Variants in ASIC2 observed in about 807,000 individuals in gnomAD.
The protein encoded by ASIC2 is acid sensing ion channel subunit 2, also known as acid-sensing ion channel 2.
ASIC2 carries 25 observed loss-of-function variants against 57.3 expected under a neutral mutation model. That is an observed-to-expected ratio of 0.44 (90% CI 0.32 to 0.61). The LOEUF (loss-of-function observed/expected upper bound fraction) is 0.61, where lower values mean the gene tolerates loss of function less well. Ranked by LOEUF, ASIC2 falls within the 20% of genes least tolerant of loss-of-function variation. The pLI is 0.06. For synonymous variants in ASIC2, 319 were observed against 307.5 expected (o/e 1.04, Z -0.39); for missense variants, 641 against 738.1 (o/e 0.87, Z 1.52).
chr17:33,667,419 T>C (rs1284119423), intron 1 of ASIC2, among the ~76,000 whole-genome samples: 1 of 152,238 alleles, frequency 6.6e-6, no homozygotes, highest in Non-Finnish European at 1.5e-5. Context: ...GTTAACCTTA[T>C]ACATATGTTT....
intron 1 of ASIC2, among the ~76,000 whole-genome samples, chr17:33,641,471 C>T (rs562305656): frequency 4.4e-4 from 67 of 152,178 alleles, no homozygotes; most frequent in Non-Finnish European, 8.2e-4. Flanking sequence ...AGGAATTTGA[C>T]AGTTGAGGAA....
chr17:33,956,003 C>T (rs1904723273), intron 1 of ASIC2, among the ~76,000 whole-genome samples: 1 of 152,000 alleles, frequency 6.6e-6, no homozygotes, highest in Admixed American at 6.6e-5. Context: ...AGCTGAGGGC[C>T]CATCATTAGA....
intron 1 of ASIC2, among the ~76,000 whole-genome samples, chr17:33,197,340 A>G (rs1432552142): frequency 6.6e-6 from 1 of 152,178 alleles, no homozygotes; most frequent in Non-Finnish European, 1.5e-5. Flanking sequence ...TACTGGCAAT[A>G]TTACCCGTAT....
chr17:33,523,133 C>A (rs1347423844), intron 1 of ASIC2, among the ~76,000 whole-genome samples: 2 of 152,202 alleles, frequency 1.3e-5, no homozygotes, highest in Non-Finnish European at 2.9e-5. Flanking sequence ...GATGAAGGAC[C>A]CTAGTTCTGA....
chr17:33,870,380 A>T (rs916959494), intron 1 of ASIC2, among the ~76,000 whole-genome samples: 3 of 151,516 alleles, frequency 2.0e-5, no homozygotes, highest in Non-Finnish European at 4.4e-5. Context: ...GCTTAGACAA[A>T]AATAATAATA....
chr17:33,127,265 A>G (rs948151531), intron 1 of ASIC2, among the ~76,000 whole-genome samples: 13 of 152,168 alleles, frequency 8.5e-5, no homozygotes, highest in Admixed American at 7.2e-4. Flanking sequence ...TCAGGGGCAG[A>G]CGTGGGATCT....
chr17:33,399,098 T>A (rs1316759507), intron 1 of ASIC2, among the ~76,000 whole-genome samples: 1 of 152,074 alleles, frequency 6.6e-6, no homozygotes, highest in Non-Finnish European at 1.5e-5. Flanking sequence ...CATATAGAGA[T>A]GAGCAAAGAG....
At chr17:33,909,365 G>A (rs964811052) in intron 1 of ASIC2, among the ~76,000 whole-genome samples, 20 of 152,342 alleles carry the variant, frequency 1.3e-4, no homozygotes, top group Non-Finnish European at 2.8e-4. Flanking sequence ...GAAAATAAAA[G>A]AAGCAATTTA....
chr17:33,487,859 T>C (rs1913625058), intron 1 of ASIC2, among the ~76,000 whole-genome samples: 1 of 152,172 alleles, frequency 6.6e-6, no homozygotes, highest in African/African-American at 2.4e-5. Context: ...TGGACCTACA[T>C]CAGCGGTTTG....
At chr17:34,073,380 T>A (rs181392196) in intron 1 of ASIC2, among the ~76,000 whole-genome samples, 1 of 152,364 alleles carries the variant, frequency 6.6e-6, no homozygotes, top group East Asian at 1.9e-4. Flanking sequence ...TGCTGATCCC[T>A]GATTTGCACA....
chr17:33,498,763 C>T (rs1342188228), intron 1 of ASIC2, among the ~76,000 whole-genome samples: 1 of 152,128 alleles, frequency 6.6e-6, no homozygotes, highest in Non-Finnish European at 1.5e-5. Flanking sequence ...AATGCTCTTC[C>T]CAATGTTGTG....
intron 1 of ASIC2, among the ~76,000 whole-genome samples, chr17:33,790,828 GA>G (rs1911747907): frequency 6.6e-6 from 1 of 152,172 alleles, no homozygotes; most frequent in South Asian, 2.1e-4. Context: ...ATCTCATACT[GA>G]TTGAGAATTT....
At chr17:33,941,183 G>A (rs1008612197) in intron 1 of ASIC2, among the ~76,000 whole-genome samples, 22 of 152,284 alleles carry the variant, frequency 1.4e-4, no homozygotes, top group Admixed American at 3.9e-4. Context: ...GGGGCCAGAC[G>A]AGCCTCCAGC....
intron 1 of ASIC2, among the ~76,000 whole-genome samples, chr17:34,021,984 C>T (rs1907179786): frequency 6.6e-6 from 1 of 151,858 alleles, no homozygotes; most frequent in Non-Finnish European, 1.5e-5. Flanking sequence ...ACTATAGGTG[C>T]CCGCCACCAC....
intron 1 of ASIC2, among the ~76,000 whole-genome samples, chr17:33,739,738 T>C (rs932924559): frequency 1.4e-5 from 2 of 143,240 alleles, no homozygotes; most frequent in Non-Finnish European, 3.0e-5. Context: ...ATGTGTGTTA[T>C]AACCACATTA....
At chr17:33,141,084 G>A (rs1447190638) in intron 1 of ASIC2, among the ~76,000 whole-genome samples, 1 of 152,204 alleles carries the variant, frequency 6.6e-6, no homozygotes, top group African/African-American at 2.4e-5. Context: ...TGGACTAGGG[G>A]CTTTCCAAGG....
intron 5 of ASIC2, among the ~76,000 whole-genome samples, chr17:33,024,385 T>C (rs1352191503): frequency 3.3e-5 from 5 of 152,182 alleles, no homozygotes; most frequent in Admixed American, 3.3e-4. Flanking sequence ...CCATTTTATC[T>C]GAAACCCAGG....
chr17:34,050,836 G>A (rs1886330404), intron 1 of ASIC2, among the ~76,000 whole-genome samples: 1 of 152,204 alleles, frequency 6.6e-6, no homozygotes, highest in Non-Finnish European at 1.5e-5. Flanking sequence ...CACTTTGGAA[G>A]GATGAGGCCA....
At chr17:33,122,941 T>C (rs1292936313) in intron 1 of ASIC2, among the ~76,000 whole-genome samples, 2 of 152,096 alleles carry the variant, frequency 1.3e-5, no homozygotes, top group Non-Finnish European at 2.9e-5. Context: ...CACAAGGAGA[T>C]ATCACCTCTC....
Sources: gnomAD v4.1 joint callset for allele counts (sites outside exome capture counted in the v4.1 genomes callset) on GRCh38, gnomAD v4.1.1 for gene constraint, MANE v1.5 for transcripts, NCBI Gene and HGNC (gene_info 2026-07-23, HGNC 2026-07-21) for gene names.